Variants in RNF19A observed in about 807,000 individuals in gnomAD.
The protein encoded by RNF19A is E3 ubiquitin-protein ligase RNF19A.
RNF19A carries 32 observed loss-of-function variants against 75.7 expected under a neutral mutation model. The observed-to-expected ratio is 0.42, with a 90% CI of 0.32 to 0.57. The LOEUF (loss-of-function observed/expected upper bound fraction) is 0.57, where lower values mean the gene tolerates loss of function less well. Ranked by LOEUF, RNF19A falls within the 20% of genes least tolerant of loss-of-function variation. The probability of loss-of-function intolerance (pLI) is 0.10; values close to 1 mark genes in which losing one functional copy is unlikely to be tolerated. For synonymous variants in RNF19A, 335 were observed against 345.2 expected (o/e 0.97, Z 0.33); for missense variants, 782 against 1,036.3 (o/e 0.75, Z 3.37).
Position 100,325,782 on chromosome 8 carries a change from CAT to C in RNF19A, c.-243+10324_-243+10325del, listed in dbSNP as rs1554676144. 1.3e-4 allele frequency among the ~76,000 whole-genome samples: 20 copies of C among 151,980 alleles called. No homozygotes were observed. The highest frequency in any genetic ancestry group is 5.9e-5 in the Non-Finnish European group (4 of 67,980). The stretch of plus-strand genomic sequence containing the variant: ...AGTATGTATTACACACACACACACA[CAT>C]TTATATCCATAAAATCTAAGCTCAT... On this transcript the variant is annotated intron_variant, in intron 1 of 3. Coordinates refer to the RNF19A transcript ENST00000519527. This position sits in a 1 kb window ranked among gnomAD's most constrained non-coding sequence, Gnocchi z 4.3.
chr8:100,261,871 T>A lies in RNF19A; in HGVS notation c.1469-116A>T, dbSNP rs1819735273. The A allele has an allele frequency of 1.9e-6, 2 of 1,047,912 alleles. No individual in the cohort carries two copies. The highest frequency in any genetic ancestry group is 2.8e-6 in the Non-Finnish European group (2 of 704,352). The allele number at this position is 1,047,912 out of a possible 1,614,324, so 64.9% of individuals were successfully genotyped here. On this transcript the variant is annotated intron_variant, in intron 7 of 9. Coordinates refer to ENST00000341084, the MANE Select transcript of RNF19A (RefSeq NM_183419.4). The surrounding 1 kb of genome is among the most constrained non-coding windows in gnomAD (Gnocchi z 4.4). ...ATAAGGTATAAAATATACGCAGACA[T>A]GGAAAAATATTTTTTTCAGGCTAGT...
At chr8:100,268,998 C>T in intron 4 of RNF19A, 51 bp from the exon 5 acceptor site, 2 of 1,410,714 alleles carry the variant, frequency 1.4e-6, no homozygotes, top group Non-Finnish European at 1.9e-6. Flanking sequence ...ACCACAATAA[C>T]AAATTAGTGC....
chr8:100,293,696 G>C (rs1284686183), intron 1 of RNF19A, among the ~76,000 whole-genome samples: 3 of 151,896 alleles, frequency 2.0e-5, no homozygotes, highest in Non-Finnish European at 4.4e-5. Context: ...TTACCACACT[G>C]TCTCTCTCTC....
intron 1 of RNF19A, among the ~76,000 whole-genome samples, chr8:100,320,251 T>C (rs1216023288): frequency 6.6e-6 from 1 of 152,264 alleles, no homozygotes; most frequent in Non-Finnish European, 1.5e-5. Context: ...TAAATGATTT[T>C]ATACTGAATG....
At chr8:100,305,251 T>C (rs1412718906) in intron 1 of RNF19A, among the ~76,000 whole-genome samples, 9 of 152,200 alleles carry the variant, frequency 5.9e-5, no homozygotes. Flanking sequence ...AAAGTCATTT[T>C]GTGCGGAGAT....
At position 100,333,991 on chromosome 8, in the gene RNF19A, T is replaced by C. The variant is rs1238069916; in HGVS notation, c.-243+2117A>G. Among the ~76,000 whole-genome samples the C allele has an allele frequency of 6.6e-6, 1 of 152,230 alleles. No individual in the cohort carries two copies. The highest frequency in any genetic ancestry group is 1.5e-5 in the Non-Finnish European group (1 of 68,038). On this transcript the variant is annotated intron_variant, in intron 1 of 3. Transcript: ENST00000519527. This position sits in a 1 kb window ranked among gnomAD's most constrained non-coding sequence, Gnocchi z 4.7. ...AAGTGTATTTACTACTACTGCCCAATAAACATCCTCCACCCTAGTTGGACT... is the reference window on the plus strand; with the variant it reads ...AAGTGTATTTACTACTACTGCCCAACAAACATCCTCCACCCTAGTTGGACT...
At chr8:100,304,496 C>T (rs1371988195) in intron 1 of RNF19A, among the ~76,000 whole-genome samples, 1 of 152,176 alleles carries the variant, frequency 6.6e-6, no homozygotes, top group Non-Finnish European at 1.5e-5. Context: ...GTTCCCACCC[C>T]CACTTACGCA....
At chr8:100,271,072 T>C (rs1472264109) in intron 3 of RNF19A, among the ~76,000 whole-genome samples, 1 of 152,112 alleles carries the variant, frequency 6.6e-6, no homozygotes, top group Non-Finnish European at 1.5e-5. Flanking sequence ...TTCCATTCTT[T>C]CTACAAGTTT....
intron 1 of RNF19A, among the ~76,000 whole-genome samples, chr8:100,316,912 C>A (rs1004017253): frequency 6.6e-6 from 1 of 152,238 alleles, no homozygotes; most frequent in Non-Finnish European, 1.5e-5. Context: ...GTCCGGAGCC[C>A]TGCCCCGCGG....
intron 3 of RNF19A, among the ~76,000 whole-genome samples, chr8:100,274,333 T>A (rs990122080): frequency 2.0e-5 from 3 of 152,224 alleles, no homozygotes; most frequent in Non-Finnish European, 4.4e-5. Flanking sequence ...TCAGGTCCTC[T>A]CTGAATTGCT....
chr8:100,273,750 A>C (rs1191808095), intron 3 of RNF19A, among the ~76,000 whole-genome samples: 1 of 152,138 alleles, frequency 6.6e-6, no homozygotes, highest in East Asian at 1.9e-4. Flanking sequence ...CTATATGGAC[A>C]TAAGCATTAT....
chr8:100,309,972 T>G (rs1218093371), upstream of RNF19A: 1 of 985,262 alleles, frequency 1.0e-6, no homozygotes, highest in East Asian at 1.1e-4. Context: ...GTCCCTCCGA[T>G]GCGCCGAGGC....
At position 100,331,573 on chromosome 8, in the gene RNF19A, G is replaced by A. The variant is rs1045991674; in HGVS notation, c.-243+4535C>T. Reference sequence around the variant, plus strand: ...GATTGCTTGAGCCCAGGATGTCAAAGCTGCAGTGAGTCATGACTGTGCCAC... The same window carrying A: ...GATTGCTTGAGCCCAGGATGTCAAAACTGCAGTGAGTCATGACTGTGCCAC... On this transcript the variant is annotated intron_variant, in intron 1 of 3. Coordinates refer to the RNF19A transcript ENST00000519527. The surrounding 1 kb of genome is among the most constrained non-coding windows in gnomAD (Gnocchi z 5.2). 6.6e-6 allele frequency among the ~76,000 whole-genome samples: 1 copy of A among 152,174 alleles called. No individual in the cohort carries two copies. The highest frequency in any genetic ancestry group is 6.5e-5 in the Admixed American group (1 of 15,270).
intron 3 of RNF19A, among the ~76,000 whole-genome samples, chr8:100,273,489 T>C (rs2919465): frequency 0.11 from 17,083 of 152,250 alleles, 1,297 homozygotes; most frequent in Non-Finnish European, 0.16. Context: ...GTTATGCCAA[T>C]GAGGCATTCC....
chr8:100,302,511 T>A (rs910433933), intron 1 of RNF19A, among the ~76,000 whole-genome samples: 1 of 152,232 alleles, frequency 6.6e-6, no homozygotes, highest in African/African-American at 2.4e-5. Context: ...TAGGTGGAGA[T>A]GTATATCCAA....
At chr8:100,291,354 G>T (rs185978322) in intron 1 of RNF19A, among the ~76,000 whole-genome samples, 1 of 152,232 alleles carries the variant, frequency 6.6e-6, no homozygotes, top group African/African-American at 2.4e-5. Flanking sequence ...TTAAATGAAT[G>T]AATGATGCTT....
chr8:100,276,517 C>T lies in RNF19A; in HGVS notation c.675-1356G>A, dbSNP rs1267136817. ...CTGTAATCCCAGCACTTTGTGGGGCCGAGGTGGGCAGATCACTTGAGGTCA... is the reference window on the plus strand; with the variant it reads ...CTGTAATCCCAGCACTTTGTGGGGCTGAGGTGGGCAGATCACTTGAGGTCA... On this transcript the variant is annotated intron_variant, in intron 2 of 9. Coordinates refer to ENST00000341084, the MANE Select transcript of RNF19A (RefSeq NM_183419.4). Among the ~76,000 whole-genome samples the T allele has an allele frequency of 5.3e-5, 8 of 151,794 alleles. No individual in the cohort carries two copies. The South Asian group carries it at 1.7e-3, about 32-fold the overall frequency.
At chr8:100,262,159 C>T (rs1197260504) in intron 7 of RNF19A, among the ~76,000 whole-genome samples, 2 of 152,174 alleles carry the variant, frequency 1.3e-5, no homozygotes, top group Non-Finnish European at 2.9e-5. Flanking sequence ...TCTGATAACA[C>T]TATGTTCCAA....
chr8:100,333,447 A>G lies in RNF19A; in HGVS notation c.-243+2661T>C, dbSNP rs6468711. Among the ~76,000 whole-genome samples the G allele has an allele frequency of 3.3e-5, 5 of 152,076 alleles. No individual in the cohort carries two copies. Among genetic ancestry groups the G allele is most frequent in the African/African-American group, 2.4e-5 (1 of 41,388 alleles). On this transcript the variant is annotated intron_variant, in intron 1 of 3. Transcript: ENST00000519527. This position sits in a 1 kb window ranked among gnomAD's most constrained non-coding sequence, Gnocchi z 4.7. ...ACAAAGCTTAAAGCTATTAATGACA[A>G]GAGAAAATGCTCACACTATTATATT...
Sources: allele counts gnomAD v4.1 joint callset (sites outside exome capture counted in the v4.1 genomes callset), GRCh38; gene constraint gnomAD v4.1.1; non-coding constraint Gnocchi (gnomAD v3.1); transcripts MANE v1.5; gene names NCBI Gene and HGNC (gene_info 2026-07-23, HGNC 2026-07-21).